Variants in ZNF385B observed in about 807,000 individuals in gnomAD.
The protein encoded by ZNF385B is zinc finger protein 533.
ZNF385B carries 23 observed loss-of-function variants against 39.2 expected under a neutral mutation model. The observed-to-expected ratio is 0.59, with a 90% CI of 0.42 to 0.83. The LOEUF (loss-of-function observed/expected upper bound fraction) is 0.83. Ranked by LOEUF, ZNF385B falls within the 40% of genes least tolerant of loss-of-function variation. ZNF385B has a pLI of 0.00. For synonymous variants in ZNF385B, 205 were observed against 222.6 expected, an observed-to-expected ratio of 0.92 and a Z score of 0.70; for missense variants, 552 against 598.9, an observed-to-expected ratio of 0.92 and a Z score of 0.82.
intron 5 of ZNF385B, among the ~76,000 whole-genome samples, chr2:179,490,461 G>A (rs988703919): frequency 1.3e-5 from 2 of 152,078 alleles, no homozygotes; most frequent in African/African-American, 4.8e-5. Flanking sequence ...TCAGCCAACA[G>A]TCTTGATGCT....
intron 3 of ZNF385B, among the ~76,000 whole-genome samples, chr2:179,740,622 C>T (rs558158458): frequency 1.2e-4 from 18 of 152,060 alleles, no homozygotes; most frequent in Admixed American, 7.2e-4. Context: ...TGGTATTTTG[C>T]GATAACAAAC....
At chr2:179,662,728 C>A (rs1274698022) in intron 3 of ZNF385B, among the ~76,000 whole-genome samples, 1 of 152,060 alleles carries the variant, frequency 6.6e-6, no homozygotes, top group African/African-American at 2.4e-5. Flanking sequence ...TTTTAAAATA[C>A]TTGCTTTATT....
intron 1 of ZNF385B, among the ~76,000 whole-genome samples, chr2:179,789,621 G>T (rs1264417777): frequency 6.6e-6 from 1 of 152,158 alleles, no homozygotes; most frequent in African/African-American, 2.4e-5. Flanking sequence ...AAGAAAAATT[G>T]AGAGGACTGT....
chr2:179,774,956 G>A (rs1704225866), intron 1 of ZNF385B, among the ~76,000 whole-genome samples: 2 of 152,126 alleles, frequency 1.3e-5, no homozygotes, highest in African/African-American at 4.8e-5. Context: ...GAAAGTTTGG[G>A]GAATACTTTC....
At chr2:179,679,992 T>G (rs942526660) in intron 3 of ZNF385B, among the ~76,000 whole-genome samples, 1 of 152,210 alleles carries the variant, frequency 6.6e-6, no homozygotes. Context: ...TCCACTTTCT[T>G]TCTCACTTTC....
rs1445362185 is a variant in ZNF385B at position 179,542,244 on chromosome 2, A to G, written c.441+2583T>C. Among the ~76,000 whole-genome samples, 5 of 152,284 alleles carry G rather than the reference A, an allele frequency of 3.3e-5. No individual in the cohort carries two copies. The East Asian group carries it at 7.7e-4, about 23-fold the overall frequency. Reference sequence around the variant, plus strand: ...ACAGGGAAAAATCATAGGTCACCCAATGATCTCATAAATTTATTTCCTGCA... The same window carrying G: ...ACAGGGAAAAATCATAGGTCACCCAGTGATCTCATAAATTTATTTCCTGCA... On this transcript the variant is annotated intron_variant, in intron 4 of 9. Transcript: ENST00000410066.
At chr2:179,762,887 G>C (rs1703482060) in intron 3 of ZNF385B, among the ~76,000 whole-genome samples, 2 of 152,074 alleles carry the variant, frequency 1.3e-5, no homozygotes, top group Admixed American at 1.3e-4. Flanking sequence ...GGCCTATTCA[G>C]ATTGTCTACT....
chr2:179,549,504 T>C (rs746210036), intron 3 of ZNF385B, among the ~76,000 whole-genome samples: 1 of 149,516 alleles, frequency 6.7e-6, no homozygotes, highest in Non-Finnish European at 1.5e-5. Flanking sequence ...AATAATTATA[T>C]ACCTAACATC....
At chr2:179,537,303 C>CAA (rs34677912) in intron 4 of ZNF385B, among the ~76,000 whole-genome samples, 2 of 103,706 alleles carry the variant, frequency 1.9e-5, no homozygotes, top group South Asian at 3.2e-4. Flanking sequence ...ACCTCTGTCT[C>CAA]AAAAAAAAAA....
intron 3 of ZNF385B, among the ~76,000 whole-genome samples, chr2:179,595,750 C>G (rs1376889115): frequency 6.6e-6 from 1 of 150,932 alleles, no homozygotes. Context: ...CTAAGTGCAA[C>G]CCACCCCCAA....
At chr2:179,498,905 G>A (rs1178277495) in intron 5 of ZNF385B, among the ~76,000 whole-genome samples, 1 of 151,486 alleles carries the variant, frequency 6.6e-6, no homozygotes, top group Non-Finnish European at 1.5e-5. Flanking sequence ...AAAATGTTAC[G>A]GAAAATTGGC....
intron 3 of ZNF385B, among the ~76,000 whole-genome samples, chr2:179,556,376 G>A (rs1488147145): frequency 1.3e-5 from 2 of 149,278 alleles, no homozygotes; most frequent in Admixed American, 6.7e-5. Flanking sequence ...TTCCTTTATC[G>A]TAGTTTCTCA....
intron 6 of ZNF385B, 121 bp from the exon 7 acceptor site, chr2:179,446,891 G>A: frequency 7.7e-7 from 1 of 1,302,822 alleles, no homozygotes; most frequent in South Asian, 1.6e-5. Flanking sequence ...TTGCAGCATA[G>A]ATTTCAGTTT....
intron 3 of ZNF385B, among the ~76,000 whole-genome samples, chr2:179,721,416 C>A (rs1700691633): frequency 1.3e-5 from 2 of 151,980 alleles, no homozygotes; most frequent in Admixed American, 6.6e-5. Context: ...GGAATAAATT[C>A]AATCTCACAA....
intron 3 of ZNF385B, among the ~76,000 whole-genome samples, chr2:179,678,717 C>T (rs577814070): frequency 2.2e-4 from 34 of 152,244 alleles, no homozygotes; most frequent in Admixed American, 2.2e-3. Context: ...AAACACAATG[C>T]CTTCTCAAGT....
At chr2:179,796,533 T>C (rs1705674968) in intron 1 of ZNF385B, among the ~76,000 whole-genome samples, 1 of 152,144 alleles carries the variant, frequency 6.6e-6, no homozygotes, top group Non-Finnish European at 1.5e-5. Flanking sequence ...AAGAAAAATG[T>C]GAAAACTAAA....
chr2:179,673,442 A>G (rs1696315333), intron 3 of ZNF385B, among the ~76,000 whole-genome samples: 1 of 152,214 alleles, frequency 6.6e-6, no homozygotes, highest in Non-Finnish European at 1.5e-5. Context: ...AGAATTATGG[A>G]TAGTAGACCC....
At chr2:179,496,723 A>G (rs1398332389) in intron 5 of ZNF385B, among the ~76,000 whole-genome samples, 1 of 152,202 alleles carries the variant, frequency 6.6e-6, no homozygotes, top group Non-Finnish European at 1.5e-5. Flanking sequence ...CTTTTATCCT[A>G]GAATAGTCTA....
chr2:179,509,419 T>C (rs1002644266), intron 5 of ZNF385B, among the ~76,000 whole-genome samples: 3 of 152,190 alleles, frequency 2.0e-5, no homozygotes, highest in Non-Finnish European at 4.4e-5. Context: ...TATGAGCTTG[T>C]TAAACAGCCG....
Sources: allele counts gnomAD v4.1 joint callset (sites outside exome capture counted in the v4.1 genomes callset), GRCh38; gene constraint gnomAD v4.1.1; transcripts MANE v1.5; gene names NCBI Gene and HGNC (gene_info 2026-07-23, HGNC 2026-07-21).